Variants in PTPN3 observed in about 807,000 individuals in gnomAD.
The protein encoded by PTPN3 is tyrosine-protein phosphatase non-receptor type 3.
In PTPN3, 96 loss-of-function variants were observed where a neutral mutation model predicts 132.7. The observed-to-expected ratio is 0.72, with a 90% CI of 0.61 to 0.86. The LOEUF is 0.86. PTPN3 is among the 40% of genes least tolerant of loss of function. The pLI is 0.00. For synonymous variants in PTPN3, 398 were observed against 429.0 expected, an observed-to-expected ratio of 0.93 and a Z score of 0.89; for missense variants, 1,125 against 1,159.6, an observed-to-expected ratio of 0.97 and a Z score of 0.43.
intron 8 of PTPN3, 38 bp downstream of exon 8, chr9:109,438,076 C>A (rs1234598783): frequency 6.3e-7 from 1 of 1,589,660 alleles, no homozygotes; most frequent in African/African-American, 1.4e-5. Context: ...AAATACCCAA[C>A]CCAAGTCCCC....
chr9:109,403,993 C>T (rs1401153024), intron 19 of PTPN3, among the ~76,000 whole-genome samples: 1 of 152,182 alleles, frequency 6.6e-6, no homozygotes, highest in African/African-American at 2.4e-5. Flanking sequence ...CAAATTCCAG[C>T]ACATGGCTGG....
the PTPN3 span, among the ~76,000 whole-genome samples, chr9:109,514,050 C>G: frequency 6.6e-6 from 1 of 152,116 alleles, no homozygotes; most frequent in African/African-American, 2.4e-5. Context: ...TGTCTGGACT[C>G]CAAGCCGCAT....
the PTPN3 span, among the ~76,000 whole-genome samples, chr9:109,534,909 C>T: frequency 6.6e-6 from 1 of 152,200 alleles, no homozygotes. Flanking sequence ...TTGTATTAAT[C>T]GTGGGTCATA....
chr9:109,527,706 G>T, the PTPN3 span, among the ~76,000 whole-genome samples: 1 of 152,124 alleles, frequency 6.6e-6, no homozygotes, highest in African/African-American at 2.4e-5. Flanking sequence ...TTGTGTGCAG[G>T]TATGAAAGTA....
the PTPN3 span, among the ~76,000 whole-genome samples, chr9:109,532,290 G>C: frequency 6.6e-6 from 1 of 152,190 alleles, no homozygotes; most frequent in Non-Finnish European, 1.5e-5. Flanking sequence ...ATTCTTAATG[G>C]TTCTGGTCAG....
chr9:109,534,077 A>C, the PTPN3 span: 1 of 774,024 alleles, frequency 1.3e-6, no homozygotes. Context: ...TGGGGTACAA[A>C]TGTATCTTCC....
intron 1 of PTPN3, among the ~76,000 whole-genome samples, chr9:109,489,617 GTT>G (rs1431097369): frequency 6.6e-6 from 1 of 152,122 alleles, no homozygotes; most frequent in Non-Finnish European, 1.5e-5. Context: ...TAGTTGCACT[GTT>G]CTTGGGGGCC....
rs893736121 is a variant in PTPN3, at chr9:109,422,642, A to G, written c.1136+76T>C. 12 of 1,450,024 alleles carry G rather than the reference A, an allele frequency of 8.3e-6. No individual in the cohort carries two copies. In the African/African-American group the frequency reaches 1.7e-4, roughly 21 times the overall value. 89.8% of individuals were successfully genotyped at this position (1,450,024 alleles called of 1,614,324 possible). ...GGTCATCTATCTTTAGGAGTTTATA[A>G]GTTGAGTTTTTATTTTTAAAAGAGA... On this transcript the variant is annotated intron_variant, in intron 13 of 25. Coordinates refer to ENST00000374541, the MANE Select transcript of PTPN3 (RefSeq NM_002829.4).
chr9:109,521,198 G>A, the PTPN3 span, among the ~76,000 whole-genome samples: 41 of 151,930 alleles, frequency 2.7e-4, no homozygotes, highest in African/African-American at 8.9e-4. Context: ...TCCCTCTGTC[G>A]CCCAGGCTGG....
chr9:109,410,503 G>C, intron 14 of PTPN3, 88 bp from the exon 15 acceptor site: 1 of 1,403,916 alleles, frequency 7.1e-7, no homozygotes, highest in Non-Finnish European at 9.8e-7. Context: ...CTGGCAGCTG[G>C]GGGCTGTATG....
the PTPN3 span, among the ~76,000 whole-genome samples, chr9:109,516,002 G>A: frequency 1.3e-5 from 2 of 152,298 alleles, no homozygotes; most frequent in Admixed American, 6.5e-5. Flanking sequence ...GGATGGGTTT[G>A]CTCTTGATTA....
chr9:109,409,321 T>C (rs781396810), intron 16 of PTPN3, among the ~76,000 whole-genome samples: 1 of 152,188 alleles, frequency 6.6e-6, no homozygotes, highest in Non-Finnish European at 1.5e-5. Context: ...GTTCTCTTAA[T>C]AGCATTCCTG....
intron 23 of PTPN3, 73 bp downstream of exon 23, chr9:109,383,350 T>C: frequency 2.5e-6 from 4 of 1,612,278 alleles, no homozygotes; most frequent in Non-Finnish European, 3.4e-6. Context: ...CCTAGAAGCG[T>C]GACCACCTGG....
intron 8 of PTPN3, 150 bp downstream of exon 8, chr9:109,437,964 C>A: frequency 1.1e-6 from 1 of 915,722 alleles, no homozygotes; most frequent in South Asian, 2.7e-5. Context: ...ATATATCTGC[C>A]ACCATACCAG....
intron 1 of PTPN3, among the ~76,000 whole-genome samples, chr9:109,490,086 G>A (rs553268588): frequency 6.6e-6 from 1 of 152,168 alleles, no homozygotes; most frequent in South Asian, 2.1e-4. Context: ...GGGAGGTTGA[G>A]GCAGGAGAAT....
the PTPN3 span, among the ~76,000 whole-genome samples, chr9:109,521,711 G>T: frequency 4.6e-5 from 7 of 152,180 alleles, no homozygotes; most frequent in African/African-American, 1.7e-4. Flanking sequence ...TGATTTAGTT[G>T]TCTTTCCCAC....
chr9:109,451,268 C>T, intron 5 of PTPN3: 2 of 985,180 alleles, frequency 2.0e-6, no homozygotes, highest in Non-Finnish European at 2.4e-6. Context: ...CCCACCAGCT[C>T]TATAAGAGTT....
chr9:109,531,426 G>A, the PTPN3 span, among the ~76,000 whole-genome samples: 1 of 152,164 alleles, frequency 6.6e-6, no homozygotes, highest in Non-Finnish European at 1.5e-5. Context: ...CATGCCAAAA[G>A]CGTCCTGGGA....
At chr9:109,392,020 C>G (rs550466009) in intron 19 of PTPN3, among the ~76,000 whole-genome samples, 1 of 152,094 alleles carries the variant, frequency 6.6e-6, no homozygotes, top group African/African-American at 2.4e-5. Context: ...TCTATTTCCA[C>G]AGGAAAAACA....
Sources: gnomAD v4.1 joint callset for allele counts (sites outside exome capture counted in the v4.1 genomes callset) on GRCh38, gnomAD v4.1.1 for gene constraint, MANE v1.5 for transcripts, NCBI Gene and HGNC (gene_info 2026-07-23, HGNC 2026-07-21) for gene names.